The following SPIRE1 variants were observed in gnomAD, a reference collection of about 807,000 sequenced individuals.
The protein encoded by SPIRE1 is spire type actin nucleation factor 1.
In SPIRE1, 40 loss-of-function variants were observed where a neutral mutation model predicts 94.1. That is an observed-to-expected ratio of 0.43 (90% CI 0.33 to 0.55). The LOEUF is 0.55. Ranked by LOEUF, SPIRE1 falls within the 20% of genes least tolerant of loss-of-function variation. SPIRE1 has a pLI of 0.06. For missense variants in SPIRE1, 838 were observed against 975.2 expected (o/e 0.86, Z 1.87); for synonymous variants, 376 against 371.7 (o/e 1.01, Z -0.13).
Position 12,658,102 on chromosome 18 carries a change from G to A in SPIRE1, c.-236C>T, listed in dbSNP as rs1374771703. ...GCCGCCGGCCGGTAGCGACGCGATG[G>A]CGTCCGGCGCCCCGCCCCGCCCCGC... On this transcript the variant is annotated 5_prime_UTR_variant, in exon 1 of 17. Transcript: ENST00000409402. 3.6e-5 allele frequency: 34 copies of A among 946,618 alleles called. No individual in the cohort carries two copies. The highest frequency in any genetic ancestry group is 4.3e-5 in the Non-Finnish European group (34 of 797,754). 58.6% of individuals were successfully genotyped at this position (946,618 alleles called of 1,614,324 possible). A position where few individuals can be genotyped will look rare whatever the true frequency, so the allele number is the denominator to read the frequency against.
At chr18:12,613,453 T>C (rs1471521789) in intron 2 of SPIRE1, among the ~76,000 whole-genome samples, 2 of 152,250 alleles carry the variant, frequency 1.3e-5, no homozygotes, top group Non-Finnish European at 2.9e-5. Context: ...CTTAAATAGT[T>C]CTATTCCTTC....
intron 4 of SPIRE1, among the ~76,000 whole-genome samples, chr18:12,532,714 A>G (rs2144179919): frequency 6.6e-6 from 1 of 152,374 alleles, no homozygotes; most frequent in East Asian, 1.9e-4. Context: ...ATTTACATAC[A>G]TAAACTAACA....
At chr18:12,621,409 A>G (rs2037464715) in intron 2 of SPIRE1, among the ~76,000 whole-genome samples, 1 of 152,232 alleles carries the variant, frequency 6.6e-6, no homozygotes, top group African/African-American at 2.4e-5. Flanking sequence ...GTCCACACAA[A>G]AATTTGTACA....
At chr18:12,454,636 C>A in intron 12 of SPIRE1, 153 bp from the exon 13 acceptor site, 1 of 654,784 alleles carries the variant, frequency 1.5e-6, no homozygotes, top group South Asian at 1.8e-5. Flanking sequence ...CCTCTGGGGA[C>A]CACATCATTT....
At chr18:12,626,037 G>T (rs1331199881) in intron 2 of SPIRE1, among the ~76,000 whole-genome samples, 2 of 96,988 alleles carry the variant, frequency 2.1e-5, no homozygotes, top group Non-Finnish European at 2.5e-5. Context: ...TCCCCACACC[G>T]CCCCGCCCCC....
chr18:12,462,217 G>A (rs758015976), intron 12 of SPIRE1, among the ~76,000 whole-genome samples: 22 of 152,118 alleles, frequency 1.4e-4, no homozygotes, highest in Non-Finnish European at 2.4e-4. Context: ...AACATTCTAA[G>A]CTCTGTTCAA....
chr18:12,617,212 T>G (rs1370706150), intron 2 of SPIRE1, among the ~76,000 whole-genome samples: 1 of 146,774 alleles, frequency 6.8e-6, no homozygotes, highest in African/African-American at 2.5e-5. Context: ...CAGGCTGGAG[T>G]GCAGTGGTGC....
At chr18:12,597,219 CAG>C (rs2036702718) in intron 2 of SPIRE1, among the ~76,000 whole-genome samples, 1 of 148,242 alleles carries the variant, frequency 6.7e-6, no homozygotes, top group East Asian at 2.0e-4. Context: ...GGGAGAGAGA[CAG>C]AACCACTCTT....
intron 2 of SPIRE1, among the ~76,000 whole-genome samples, chr18:12,605,357 T>A (rs551601142): frequency 6.6e-6 from 1 of 152,038 alleles, no homozygotes; most frequent in South Asian, 2.1e-4. Flanking sequence ...TAAAAAAAAA[T>A]TAGCCAGGTG....
At chr18:12,574,152 G>C (rs1000249570) in intron 2 of SPIRE1, among the ~76,000 whole-genome samples, 1 of 152,210 alleles carries the variant, frequency 6.6e-6, no homozygotes, top group African/African-American at 2.4e-5. Flanking sequence ...AATAACAGGA[G>C]AAAGTGACTT....
At chr18:12,509,820 T>C (rs184742702) in intron 5 of SPIRE1, among the ~76,000 whole-genome samples, 140 of 152,120 alleles carry the variant, frequency 9.2e-4, no homozygotes, top group Admixed American at 2.5e-3. Flanking sequence ...CGGAGGCTCA[T>C]ACCTGTAATC....
chr18:12,542,338 T>A (rs1348622043), intron 3 of SPIRE1, among the ~76,000 whole-genome samples: 2 of 152,210 alleles, frequency 1.3e-5, no homozygotes, highest in East Asian at 3.8e-4. Context: ...GATTTTGTAC[T>A]TTCAGTCCAC....
intron 12 of SPIRE1, among the ~76,000 whole-genome samples, chr18:12,461,440 A>ATATGTGTGTATGTATGTACATATGTACG (rs1393895567): frequency 8.4e-6 from 1 of 119,304 alleles, no homozygotes. Flanking sequence ...ATGTATGTAT[A>ATATGTGTGTATGTATGTACATATGTACG]TACATACATG....
At chr18:12,613,557 AT>A (rs1567967533) in intron 2 of SPIRE1, among the ~76,000 whole-genome samples, 1 of 152,340 alleles carries the variant, frequency 6.6e-6, no homozygotes, top group Non-Finnish European at 1.5e-5. Context: ...TACACCCCAG[AT>A]TTGAAAGACT....
intron 1 of SPIRE1, among the ~76,000 whole-genome samples, chr18:12,644,556 A>C (rs1163389935): frequency 6.6e-6 from 1 of 152,192 alleles, no homozygotes; most frequent in African/African-American, 2.4e-5. Flanking sequence ...GAAATCCATA[A>C]AAAATATAAA....
At chr18:12,558,694 A>G (rs530138988) in intron 2 of SPIRE1, among the ~76,000 whole-genome samples, 4 of 151,884 alleles carry the variant, frequency 2.6e-5, no homozygotes, top group Non-Finnish European at 5.9e-5. Flanking sequence ...GCTAGACATA[A>G]AAGTTCGCCA....
At chr18:12,608,564 T>C (rs1181233955) in intron 2 of SPIRE1, among the ~76,000 whole-genome samples, 1 of 152,184 alleles carries the variant, frequency 6.6e-6, no homozygotes, top group East Asian at 1.9e-4. Flanking sequence ...AGAAGTAAAA[T>C]TACTAGATCA....
chr18:12,638,513 CATA>C (rs1040231250), intron 1 of SPIRE1, among the ~76,000 whole-genome samples: 3 of 152,176 alleles, frequency 2.0e-5, no homozygotes, highest in African/African-American at 7.2e-5. Flanking sequence ...ATGAGTTGCA[CATA>C]ATGACACAGA....
At chr18:12,506,332 A>G in intron 6 of SPIRE1, 145 bp downstream of exon 6, 1 of 680,502 alleles carries the variant, frequency 1.5e-6, no homozygotes, top group Non-Finnish European at 2.5e-6. Context: ...TAATTTTTGT[A>G]TTTTTTGGTA....
Sources: gnomAD v4.1 joint callset for allele counts (sites outside exome capture counted in the v4.1 genomes callset) on GRCh38, gnomAD v4.1.1 for gene constraint, MANE v1.5 for transcripts, NCBI Gene and HGNC (gene_info 2026-07-23, HGNC 2026-07-21) for gene names.